Variants in NLGN1 observed in about 807,000 individuals in gnomAD.
NLGN1 encodes the protein neuroligin 1.
A neutral mutation model predicts 65.5 loss-of-function variants in NLGN1; 12 were observed. The ratio of observed to expected loss-of-function variants is 0.18; its 90% confidence interval spans 0.12 to 0.30. The LOEUF (loss-of-function observed/expected upper bound fraction) is 0.30. Among genes scored for constraint, NLGN1 ranks in the 10% least tolerant of loss-of-function variants. The probability of loss-of-function intolerance (pLI) is 1.00; values close to 1 mark genes in which losing one functional copy is unlikely to be tolerated. For synonymous variants in NLGN1, 350 were observed against 359.5 expected, an observed-to-expected ratio of 0.97 and a Z score of 0.30; for missense variants, 750 against 1,007.1, an observed-to-expected ratio of 0.74 and a Z score of 3.46.
intron 2 of NLGN1, among the ~76,000 whole-genome samples, chr3:173,539,672 T>TACATAC (rs1738251971): frequency 1.4e-5 from 2 of 139,786 alleles, no homozygotes; most frequent in Non-Finnish European, 3.0e-5. Context: ...TATATGCACA[T>TACATAC]ATATAACATA....
chr3:173,456,529 G>A (rs1161130325), intron 2 of NLGN1, among the ~76,000 whole-genome samples: 3 of 152,166 alleles, frequency 2.0e-5, no homozygotes, highest in African/African-American at 7.2e-5. Context: ...GTTTAGAAGA[G>A]CACCTGGATT....
At chr3:173,602,809 G>A (rs1296362081) in intron 2 of NLGN1, among the ~76,000 whole-genome samples, 1 of 151,990 alleles carries the variant, frequency 6.6e-6, no homozygotes, top group Non-Finnish European at 1.5e-5. Flanking sequence ...TGCTGCAGAA[G>A]AGTCAGCATT....
intron 3 of NLGN1, among the ~76,000 whole-genome samples, chr3:173,669,058 A>G (rs1426672978): frequency 6.6e-6 from 1 of 152,096 alleles, no homozygotes; most frequent in Non-Finnish European, 1.5e-5. Context: ...TATGATTGTT[A>G]TGTTTGCATG....
chr3:173,715,179 G>C (rs1180668506), intron 3 of NLGN1, among the ~76,000 whole-genome samples: 1 of 152,106 alleles, frequency 6.6e-6, no homozygotes, highest in Non-Finnish European at 1.5e-5. Context: ...TGGGATTACA[G>C]GTCTTGGCTT....
At chr3:174,200,346 C>T (rs1034067727) in intron 4 of NLGN1, among the ~76,000 whole-genome samples, 1 of 152,188 alleles carries the variant, frequency 6.6e-6, no homozygotes, top group African/African-American at 2.4e-5. Flanking sequence ...ACTGTGTTCT[C>T]AACTCTATAA....
intron 1 of NLGN1, among the ~76,000 whole-genome samples, chr3:173,422,124 AC>A (rs1715193539): frequency 6.8e-6 from 1 of 147,990 alleles, no homozygotes; most frequent in South Asian, 2.2e-4. Flanking sequence ...GTGTATGTGT[AC>A]TATATATAGT....
chr3:173,847,460 C>A, intron 4 of NLGN1, among the ~76,000 whole-genome samples: 1 of 151,972 alleles, frequency 6.6e-6, no homozygotes, highest in African/African-American at 2.4e-5. Context: ...TAAATGTTTC[C>A]AACAATGATG....
chr3:173,692,712 A>G (rs1406572282), intron 3 of NLGN1, among the ~76,000 whole-genome samples: 2 of 152,100 alleles, frequency 1.3e-5, no homozygotes, highest in East Asian at 3.8e-4. Flanking sequence ...TTGAATTAAT[A>G]TGAACTAAAA....
At chr3:173,475,135 G>A (rs1684914832) in intron 2 of NLGN1, among the ~76,000 whole-genome samples, 1 of 152,066 alleles carries the variant, frequency 6.6e-6, no homozygotes, top group South Asian at 2.1e-4. Flanking sequence ...TAGAAAAGAA[G>A]TGTCTTACTA....
At chr3:173,761,102 C>G (rs1451610630) in intron 3 of NLGN1, among the ~76,000 whole-genome samples, 13 of 151,952 alleles carry the variant, frequency 8.6e-5, no homozygotes, top group Non-Finnish European at 1.9e-4. Context: ...ATGTTGACGG[C>G]CGACTCAGTC....
intron 4 of NLGN1, among the ~76,000 whole-genome samples, chr3:174,091,127 A>G (rs1387137834): frequency 6.6e-6 from 1 of 151,986 alleles, no homozygotes; most frequent in African/African-American, 2.4e-5. Context: ...AGGTGCCTGA[A>G]GAAAATTAAC....
chr3:173,573,099 A>G (rs1744915226), intron 2 of NLGN1, among the ~76,000 whole-genome samples: 1 of 147,244 alleles, frequency 6.8e-6, no homozygotes, highest in Non-Finnish European at 1.5e-5. Context: ...TTTCCTCAGT[A>G]CCTGTTCTCT....
chr3:174,032,466 G>A lies in NLGN1; in HGVS notation c.646+224634G>A, dbSNP rs548012645. Among the ~76,000 whole-genome samples, 20 of 152,278 alleles carry A rather than the reference G, an allele frequency of 1.3e-4. No homozygotes were observed. In the East Asian group the frequency reaches 3.9e-3, roughly 29 times the overall value. On this transcript the variant is annotated intron_variant, in intron 4 of 6. Transcript: ENST00000457714. ...GGTGTACAAGCTTGTTGTACAAAAT[G>A]TGCTCCCTGAGGCAGTAGCATTGGC...
At chr3:173,638,218 G>T (rs1346649891) in intron 3 of NLGN1, among the ~76,000 whole-genome samples, 1 of 151,292 alleles carries the variant, frequency 6.6e-6, no homozygotes, top group African/African-American at 2.4e-5. Flanking sequence ...AGCCATAAAG[G>T]TGAAAAACTT....
chr3:173,516,162 C>T (rs540243524), intron 2 of NLGN1, among the ~76,000 whole-genome samples: 14 of 152,000 alleles, frequency 9.2e-5, no homozygotes, highest in African/African-American at 3.4e-4. Flanking sequence ...GAAATCATCC[C>T]TGATGATAGT....
intron 2 of NLGN1, among the ~76,000 whole-genome samples, chr3:173,490,856 A>C (rs1376681173): frequency 6.6e-6 from 1 of 151,996 alleles, no homozygotes; most frequent in Non-Finnish European, 1.5e-5. Context: ...CTTTGAAGCA[A>C]TTGTGAATGG....
At chr3:173,801,144 A>G (rs2150410647) in intron 3 of NLGN1, among the ~76,000 whole-genome samples, 1 of 152,106 alleles carries the variant, frequency 6.6e-6, no homozygotes, top group African/African-American at 2.4e-5. Flanking sequence ...AATATTTTCT[A>G]CTTCATTAAT....
chr3:174,281,545 G>T (rs1362953), exon 7 of NLGN1: 1 of 389,106 alleles, frequency 2.6e-6, no homozygotes, highest in African/African-American at 2.1e-5. Context: ...TCACATTCAA[G>T]AATTAATTTT....
chr3:173,782,089 T>C (rs1781252994), intron 3 of NLGN1, among the ~76,000 whole-genome samples: 1 of 100,452 alleles, frequency 1.0e-5, no homozygotes, highest in South Asian at 2.8e-4. Context: ...GGAAGAGCTT[T>C]GGAAGTGTCT....
Sources: allele counts gnomAD v4.1 joint callset (sites outside exome capture counted in the v4.1 genomes callset), GRCh38; gene constraint gnomAD v4.1.1; transcripts MANE v1.5; gene names NCBI Gene and HGNC (gene_info 2026-07-23, HGNC 2026-07-21).